UPF3B: variants seen among roughly 807,000 people sequenced by gnomAD.
UPF3B encodes the protein UPF3B regulator of nonsense mediated mRNA decay.
Under a neutral mutation model 40.3 loss-of-function variants are expected in UPF3B, and 7 were observed. The observed-to-expected ratio is 0.17, with a 90% confidence interval of 0.10 to 0.33. The LOEUF is 0.33. UPF3B is among the 10% of genes least tolerant of loss of function. The probability of loss-of-function intolerance (pLI) is 1.00; values close to 1 mark genes in which losing one functional copy is unlikely to be tolerated. For missense variants in UPF3B, 229 were observed against 358.9 expected, an observed-to-expected ratio of 0.64 and a Z score of 2.93; for synonymous variants, 117 against 117.3, an observed-to-expected ratio of 1.00 and a Z score of 0.01.
chrX:119,833,825 T>C (rs1286763867), downstream of UPF3B, among the ~76,000 whole-genome samples: 1 of 112,488 alleles, frequency 8.9e-6, no homozygotes, highest in East Asian at 2.8e-4. Flanking sequence ...TTTAAATTAA[T>C]AGACTTTTAT....
chrX:119,842,412 C>T (rs958738882), intron 5 of UPF3B, among the ~76,000 whole-genome samples: 12 of 110,004 alleles, frequency 1.1e-4, no homozygotes, highest in Non-Finnish European at 1.5e-4. Context: ...GGTGAAACCC[C>T]GGCTCTACTA....
intron 3 of UPF3B, among the ~76,000 whole-genome samples, chrX:119,824,711 T>G (rs781023683): frequency 1.0e-3 from 113 of 110,880 alleles, no homozygotes; most frequent in Non-Finnish European, 1.6e-3. Flanking sequence ...TACTTTCTTA[T>G]ATTTAAAATA....
At chrX:119,852,009 T>C in intron 1 of UPF3B, 136 bp from the exon 2 acceptor site, 1 of 480,589 alleles carries the variant, frequency 2.1e-6, no homozygotes, top group Non-Finnish European at 3.6e-6. Context: ...AATATTCTTC[T>C]GCAGCCCAAT....
chrX:119,821,509 C>G (rs2055918708), intron 4 of UPF3B, among the ~76,000 whole-genome samples: 1 of 112,433 alleles, frequency 8.9e-6, no homozygotes, highest in Admixed American at 9.4e-5. Flanking sequence ...TCTCAAAACT[C>G]ACAGCTGGCT....
At chrX:119,843,567 G>C (rs1250077530) in intron 4 of UPF3B, among the ~76,000 whole-genome samples, 1 of 111,808 alleles carries the variant, frequency 8.9e-6, no homozygotes, top group Non-Finnish European at 1.9e-5. Flanking sequence ...AGAACCACTA[G>C]GGGTATTACA....
chrX:119,816,650 T>C (rs1320479279), intron 4 of UPF3B, among the ~76,000 whole-genome samples: 1 of 111,025 alleles, frequency 9.0e-6, no homozygotes, highest in Non-Finnish European at 1.9e-5. Flanking sequence ...TGCCTGGGGG[T>C]TCAGGAGTGT....
At chrX:119,832,360 G>C (rs181686087), downstream of UPF3B, among the ~76,000 whole-genome samples, 272 of 112,059 alleles carry the variant, frequency 2.4e-3, no homozygotes, top group Middle Eastern at 4.6e-3. Context: ...CCAGGTTCAA[G>C]CAATTCTCCT....
In UPF3B at chrX:119,852,911, C is replaced by T. The variant is rs762760356; in HGVS notation, c.18G>A (p.Glu6=). 1 of 1,211,241 alleles carries T rather than the reference C, an allele frequency of 8.3e-7. No homozygotes were observed. The highest frequency in any genetic ancestry group is 2.2e-5 in the Admixed American group (1 of 45,961). ...TTACTCGCTTCTCCTTAGGCCTGTG[C>T]TCCTTCTCTTCCTTCATGGCTACGT... MKEEK[E]HRPKEKRVTL... is the part of the protein sequence containing the mutation. The change falls in exon 1 of 11, where the codon GAG becomes GAA. Residue 6 remains glutamate (E), a synonymous_variant. Coordinates refer to ENST00000276201, the MANE Select transcript of UPF3B (RefSeq NM_080632.3).
chrX:119,814,423 T>A (rs1397142762), intron 5 of UPF3B, among the ~76,000 whole-genome samples: 1 of 112,642 alleles, frequency 8.9e-6, no homozygotes, highest in Non-Finnish European at 1.9e-5. Context: ...GTAACATGAC[T>A]ATTTAAATGT....
chrX:119,821,496 A>G (rs2055918436), intron 4 of UPF3B, among the ~76,000 whole-genome samples: 1 of 112,350 alleles, frequency 8.9e-6, no homozygotes, highest in African/African-American at 3.2e-5. Flanking sequence ...AAAAAATTTA[A>G]TTTCTCAAAA....
downstream of UPF3B, among the ~76,000 whole-genome samples, chrX:119,833,736 C>G (rs1887475118): frequency 8.9e-6 from 1 of 112,360 alleles, no homozygotes; most frequent in Admixed American, 9.5e-5. Flanking sequence ...GAACTCCTGA[C>G]CTCAAGTGAT....
At position 119,851,764 on chromosome X, in the gene UPF3B, T is replaced by TTTTTTTTTTTA; in HGVS notation, c.263+2_263+3insTAAAAAAAAAA. ...ACCCCTTTCCTTTTTTTTTTTTTTT[T>TTTTTTTTTTTA]ACCTCGTATCATTAGAAAAAAACTC... On this transcript the variant is annotated splice_region_variant and intron_variant, in intron 2 of 10. Transcript: ENST00000276201. 4.1e-6 allele frequency: 4 copies of TTTTTTTTTTTA among 968,461 alleles called. No homozygotes were observed. The highest frequency in any genetic ancestry group is 5.6e-6 in the Non-Finnish European group (4 of 710,184). The allele number at this position is 968,461 out of a possible 1,213,427, so 79.8% of individuals were successfully genotyped here.
intron 4 of UPF3B, among the ~76,000 whole-genome samples, chrX:119,815,513 C>T (rs1182897310): frequency 9.0e-6 from 1 of 111,199 alleles, no homozygotes; most frequent in Non-Finnish European, 1.9e-5. Context: ...ATTTTATAAG[C>T]CTGGTACAAC....
chrX:119,836,451 G>GT (rs912260522), intron 10 of UPF3B, among the ~76,000 whole-genome samples: 15 of 110,803 alleles, frequency 1.4e-4, no homozygotes, highest in African/African-American at 3.0e-4. Flanking sequence ...ATTATTGTTA[G>GT]TTTTTTTTGG....
intron 3 of UPF3B, among the ~76,000 whole-genome samples, chrX:119,847,470 A>C (rs946882983): frequency 9.0e-5 from 10 of 110,824 alleles, no homozygotes; most frequent in Non-Finnish European, 1.3e-4. Flanking sequence ...AAAACAAAAC[A>C]AAAAAGAACT....
In UPF3B at chrX:119,813,822, A is replaced by C. The variant is rs778564834; in HGVS notation, c.602+1378T>G. Among the ~76,000 whole-genome samples the C allele has an allele frequency of 5.4e-5, 6 of 110,368 alleles. No homozygotes were observed. In the South Asian group the frequency reaches 2.3e-3, roughly 43 times the overall value. On this transcript the variant is annotated intron_variant, in intron 5 of 6. Transcript: ENST00000636792. ...CAAGTGGTCATCCCACCTCAGCCTC[A>C]CAAAGTGCTGGGATTACAGGCATGA... is the stretch of plus-strand genomic sequence containing the variant.
At chrX:119,835,765 C>G (rs964491044) in intron 10 of UPF3B, among the ~76,000 whole-genome samples, 2 of 111,119 alleles carry the variant, frequency 1.8e-5, no homozygotes, top group African/African-American at 6.6e-5. Flanking sequence ...CGGCTGAGCT[C>G]AAAAGTTTGA....
Position 119,852,696 on chromosome X carries a change from G to A in UPF3B, c.156+77C>T, listed in dbSNP as rs1415032268. 19 of 1,177,924 alleles carry A rather than the reference G, an allele frequency of 1.6e-5. No individual in the cohort carries two copies. In the Admixed American group the frequency reaches 3.3e-4, roughly 20 times the overall value. On this transcript the variant is annotated intron_variant, in intron 1 of 10. Coordinates refer to ENST00000276201, the MANE Select transcript of UPF3B (RefSeq NM_080632.3). ...AAGGAGAACCTGAGAAAGAAAGGGG[G>A]CAGCCCCATTCCCAGCCATCCTCCC...
Position 119,845,254 on chromosome X carries a change from T to C in UPF3B, c.413A>G (p.Lys138Arg). ...PAIVEFAPFQ[K>R]AAKKKTKKRD... Reference sequence around the variant, plus strand: ...TTTCTTAGTCTTCTTTTTTGCAGCTTTTTGAAAAGGTGCAAATTCTACTAT... The same window carrying C: ...TTTCTTAGTCTTCTTTTTTGCAGCTCTTTGAAAAGGTGCAAATTCTACTAT... Residue 138 changes from lysine (K) to arginine (R), a missense_variant, in exon 4 of 11, where the codon AAA becomes AGA. Coordinates refer to ENST00000276201, the MANE Select transcript of UPF3B (RefSeq NM_080632.3). 1 of 1,211,039 alleles carries C rather than the reference T, an allele frequency of 8.3e-7. No homozygotes were observed. The highest frequency in any genetic ancestry group is 1.1e-6 in the Non-Finnish European group (1 of 895,125).
Sources: allele counts gnomAD v4.1 joint callset (sites outside exome capture counted in the v4.1 genomes callset), GRCh38; gene constraint gnomAD v4.1.1; transcripts MANE v1.5; gene names NCBI Gene and HGNC (gene_info 2026-07-23, HGNC 2026-07-21).